SH3KBP1: variants seen among roughly 807,000 people sequenced by gnomAD.
The protein encoded by SH3KBP1 is SH3 domain-containing kinase-binding protein 1.
SH3KBP1 carries 8 observed loss-of-function variants against 50.1 expected under a neutral mutation model. The ratio of observed to expected loss-of-function variants is 0.16; its 90% CI spans 0.09 to 0.29. The LOEUF (loss-of-function observed/expected upper bound fraction) is 0.29. Among genes scored for constraint, SH3KBP1 ranks in the 10% least tolerant of loss-of-function variants. The pLI is 1.00. For missense variants in SH3KBP1, 377 were observed against 535.2 expected (o/e 0.70, Z 2.92); for synonymous variants, 227 against 218.6 (o/e 1.04, Z -0.34).
At chrX:19,658,122 A>G (rs934070105) in intron 6 of SH3KBP1, among the ~76,000 whole-genome samples, 3 of 111,786 alleles carry the variant, frequency 2.7e-5, no homozygotes. Context: ...CTGGCCAGGA[A>G]TGTCGATTAG....
At position 19,608,049 on chromosome X, in the gene SH3KBP1, G is replaced by A. The variant is rs1279192980; in HGVS notation, c.898-4C>T. ...ACCAGCCTACGTCGATGCAGTCCTA[G>A]AAAACAGGAGAACAGAGAGTGAGAG... On this transcript the variant is annotated splice_polypyrimidine_tract_variant and splice_region_variant and intron_variant, in intron 8 of 17. Transcript: ENST00000397821. The A allele has an allele frequency of 8.3e-7, 1 of 1,199,789 alleles. No individual in the cohort carries two copies. Among genetic ancestry groups the A allele is most frequent in the African/African-American group, 1.7e-5 (1 of 57,597 alleles).
intron 2 of SH3KBP1, among the ~76,000 whole-genome samples, chrX:19,817,979 G>A (rs535770221): frequency 6.2e-5 from 7 of 112,127 alleles, no homozygotes; most frequent in Admixed American, 1.9e-4. Context: ...CCATTGTGTC[G>A]TAACTGCCTA....
At chrX:19,812,354 T>C (rs770014275) in intron 2 of SH3KBP1, among the ~76,000 whole-genome samples, 2 of 111,165 alleles carry the variant, frequency 1.8e-5, no homozygotes, top group Non-Finnish European at 3.8e-5. Flanking sequence ...ACCTTCACTC[T>C]CCCTGAACTC....
intron 2 of SH3KBP1, among the ~76,000 whole-genome samples, chrX:19,822,647 A>G (rs1603264974): frequency 1.8e-5 from 2 of 112,425 alleles, no homozygotes; most frequent in East Asian, 2.8e-4. Flanking sequence ...CTCAGTATTA[A>G]TATCTGTTGA....
At chrX:19,786,232 A>G (rs1035711400) in intron 2 of SH3KBP1, among the ~76,000 whole-genome samples, 1 of 111,501 alleles carries the variant, frequency 9.0e-6, no homozygotes, top group Admixed American at 9.5e-5. Flanking sequence ...GGTCAGAGTA[A>G]TAATTCTAAA....
intron 2 of SH3KBP1, among the ~76,000 whole-genome samples, chrX:19,769,104 G>C (rs1454284574): frequency 2.2e-5 from 2 of 91,812 alleles, no homozygotes; most frequent in Admixed American, 1.2e-4. Flanking sequence ...TTTTGAGACA[G>C]GGTCTAGCTC....
rs185350014 is a variant in SH3KBP1 at position 19,756,709 on chromosome X, G to A, written c.163-10268C>T. On this transcript the variant is annotated intron_variant, in intron 2 of 17. Transcript: ENST00000397821. ...AAACAGCATATGTACAAGATTAATC[G>A]TTATGCCATTGCTTAAATTAGCAAA... 2.0e-4 allele frequency among the ~76,000 whole-genome samples: 22 copies of A among 110,918 alleles called. No individual in the cohort carries two copies. The East Asian group carries it at 4.2e-3, about 21-fold the overall frequency.
chrX:19,675,934 G>C (rs1357580019), intron 6 of SH3KBP1, among the ~76,000 whole-genome samples: 1 of 111,490 alleles, frequency 9.0e-6, no homozygotes, highest in East Asian at 2.8e-4. Context: ...ACTTTTTCCA[G>C]ATCAGGAAAC....
At chrX:19,682,895 A>C (rs2098153857) in intron 6 of SH3KBP1, among the ~76,000 whole-genome samples, 1 of 96,062 alleles carries the variant, frequency 1.0e-5, no homozygotes. Context: ...TTATCCCACC[A>C]AAAAAAAAAA....
At chrX:19,804,901 C>G (rs1470596754) in intron 2 of SH3KBP1, among the ~76,000 whole-genome samples, 1 of 97,319 alleles carries the variant, frequency 1.0e-5, no homozygotes, top group Non-Finnish European at 2.1e-5. Flanking sequence ...CCCCCACCCG[C>G]TGCCATCACA....
intron 8 of SH3KBP1, among the ~76,000 whole-genome samples, chrX:19,608,662 C>A (rs1011287819): frequency 3.6e-5 from 4 of 112,022 alleles, no homozygotes; most frequent in African/African-American, 1.3e-4. Context: ...TTTAATTTTA[C>A]TGAAATAAAA....
chrX:19,867,198 G>A (rs1191435888), intron 1 of SH3KBP1, among the ~76,000 whole-genome samples: 3 of 111,526 alleles, frequency 2.7e-5, no homozygotes, highest in African/African-American at 9.8e-5. Context: ...AGTGCTCACA[G>A]AGCATAATTT....
chrX:19,842,794 C>T (rs916731024), intron 1 of SH3KBP1, among the ~76,000 whole-genome samples: 3 of 110,039 alleles, frequency 2.7e-5, no homozygotes, highest in Admixed American at 9.7e-5. Flanking sequence ...ACACTGGAGA[C>T]GGCTGGAGCA....
chrX:19,633,750 GTTAA>G (rs1276681666), intron 7 of SH3KBP1, among the ~76,000 whole-genome samples: 1 of 111,993 alleles, frequency 8.9e-6, no homozygotes, highest in Admixed American at 9.5e-5. Flanking sequence ...GTCAAAAAAA[GTTAA>G]TTAAGTGTAA....
chrX:19,633,181 G>A (rs906223081), intron 7 of SH3KBP1, among the ~76,000 whole-genome samples: 3 of 111,869 alleles, frequency 2.7e-5, no homozygotes, highest in Non-Finnish European at 5.6e-5. Context: ...AGGGAGGAAG[G>A]GGAAGGGGAA....
At chrX:19,628,358 C>A (rs1254696344) in intron 8 of SH3KBP1, among the ~76,000 whole-genome samples, 1 of 111,498 alleles carries the variant, frequency 9.0e-6, no homozygotes, top group African/African-American at 3.3e-5. Flanking sequence ...ACAGACTCCT[C>A]CCTGCCAGAG....
chrX:19,583,136 T>TTATTAC (rs1556001008), intron 12 of SH3KBP1, among the ~76,000 whole-genome samples: 1 of 65,367 alleles, frequency 1.5e-5, no homozygotes, highest in Non-Finnish European at 2.9e-5. Flanking sequence ...ATTATTATTA[T>TTATTAC]TATTATTATT....
chrX:19,557,064 C>T (rs964231477), intron 13 of SH3KBP1, among the ~76,000 whole-genome samples: 1 of 111,702 alleles, frequency 9.0e-6, no homozygotes, highest in Non-Finnish European at 1.9e-5. Flanking sequence ...TTCATGTACA[C>T]AAAACCCCAT....
In SH3KBP1 at chrX:19,746,386, G is replaced by T; in HGVS notation, c.218C>A (p.Pro73His). Residue 73 changes from proline (P) to histidine (H), a missense_variant, in exon 3 of 18, where the codon CCC becomes CAC. Pro to His is a moderately conservative substitution (Grantham distance 77, BLOSUM62 -2). This residue lies in a region of SH3KBP1 where 257 missense variants were observed against 374.2 expected (regional missense o/e 0.69). Transcript: ENST00000397821. ...DPLTNKAPEK[P>H]LHEVPSGNSL... ...GTTTCCACTGGGCACTTCGTGCAGG[G>T]GCTTTTCTGGAGCTTTGTTGGTGAG... 8.3e-7 allele frequency: 1 copy of T among 1,204,766 alleles called. No individual in the cohort carries two copies.
Sources: allele counts gnomAD v4.1 joint callset (sites outside exome capture counted in the v4.1 genomes callset), GRCh38; gene constraint gnomAD v4.1.1; regional missense constraint gnomAD v4.1.1; transcripts MANE v1.5; gene names NCBI Gene and HGNC (gene_info 2026-07-23, HGNC 2026-07-21).